The following SHOX variants were observed in gnomAD, a reference collection of about 807,000 sequenced individuals.
SHOX encodes the protein short stature homeobox protein.
A neutral mutation model predicts 29.6 loss-of-function variants in SHOX; 12 were observed. The observed-to-expected ratio is 0.41, with a 90% CI of 0.26 to 0.66. SHOX has a LOEUF of 0.66. Ranked by LOEUF, SHOX falls within the 30% of genes least tolerant of loss-of-function variation. The probability of loss-of-function intolerance (pLI) is 0.35; values close to 1 mark genes in which losing one functional copy is unlikely to be tolerated. For missense variants in SHOX, 499 were observed against 437.7 expected (o/e 1.14, Z -1.25); for synonymous variants, 214 against 200.6 (o/e 1.07, Z -0.57).
At chrX:639,784 T>A (rs996087027) in intron 2 of SHOX, among the ~76,000 whole-genome samples, 6 of 151,814 alleles carry the variant, frequency 4.0e-5, no homozygotes, top group African/African-American at 1.5e-4. Context: ...GGTGGATCGC[T>A]TGAGGTCAGG....
downstream of SHOX, among the ~76,000 whole-genome samples, chrX:653,445 G>C (rs773718452): frequency 6.6e-6 from 1 of 152,194 alleles, no homozygotes; most frequent in Non-Finnish European, 1.5e-5. Context: ...CTTAGAAATA[G>C]CTTGTTGCCA....
intron 2 of SHOX, among the ~76,000 whole-genome samples, chrX:636,945 AAAAT>A (rs1437249495): frequency 0.26 from 13,441 of 51,118 alleles, 1,712 homozygotes; most frequent in African/African-American, 0.47. Context: ...CTTTCATTTA[AAAAT>A]ATATATATAT....
At position 624,922 on chromosome X, in the gene SHOX, CTTTCTTTCTTTTCTTT is replaced by C. The variant is rs1569491723; in HGVS notation, c.-433+321_-433+336del. On this transcript the variant is annotated intron_variant, in intron 1 of 5. Coordinates refer to the SHOX transcript ENST00000334060. ...TCTTTCTCTCTTCCTTTCTTTCTTT[CTTTCTTTCTTTTCTTT>C]CTTTCACTTGGCAAGATTGCTTTTG... Among the ~76,000 whole-genome samples, 132 of 99,164 alleles carry C rather than the reference CTTTCTTTCTTTTCTTT, an allele frequency of 1.3e-3. 1 individual carries two copies. The highest frequency in any genetic ancestry group is 5.6e-3 in the African/African-American group (122 of 21,838). The allele number at this position is 99,164 out of a possible 152,430, so 65.1% of individuals were successfully genotyped here.
At chrX:651,926 AT>A (rs61105511), downstream of SHOX, among the ~76,000 whole-genome samples, 5,742 of 148,338 alleles carry the variant, frequency 0.039, 316 homozygotes, top group South Asian at 0.13. Flanking sequence ...TAATTAATTT[AT>A]TTTTTTTTTT....
At position 648,779 on chromosome X, in the gene SHOX, G is replaced by C. The variant is rs1301379395; in HGVS notation, c.*4143G>C. On this transcript the variant is annotated 3_prime_UTR_variant, in exon 5 of 5. Transcript: ENST00000686671. Reference sequence around the variant, plus strand: ...TGATCCCTGAATGAGTGTGGGGTACGTGTATGCTAGCTGCTTCTTTCTCCC... The same window carrying C: ...TGATCCCTGAATGAGTGTGGGGTACCTGTATGCTAGCTGCTTCTTTCTCCC... 1.3e-5 allele frequency among the ~76,000 whole-genome samples: 2 copies of C among 152,058 alleles called. No individual in the cohort carries two copies. The highest frequency in any genetic ancestry group is 4.8e-5 in the African/African-American group (2 of 41,402).
In SHOX at chrX:648,928, TTC is replaced by T. The variant is rs1297210332; in HGVS notation, c.*4298_*4299del. Among the ~76,000 whole-genome samples, 1 of 134,660 alleles carries T rather than the reference TTC, an allele frequency of 7.4e-6. No individual in the cohort carries two copies. Among genetic ancestry groups the T allele is most frequent in the East Asian group, 2.1e-4 (1 of 4,828 alleles). 88.3% of individuals were successfully genotyped at this position (134,660 alleles called of 152,430 possible). A position where few individuals can be genotyped will look rare whatever the true frequency, so the allele number is the denominator to read the frequency against. On this transcript the variant is annotated 3_prime_UTR_variant, in exon 5 of 5. Coordinates refer to ENST00000686671, the MANE Select transcript of SHOX (RefSeq NM_000451.4). ...CCTTCCTTTCTTTCTTTTTCTTTCT[TTC>T]TCTCTTTCTTTCTTTTCTTTCTTTC...
chrX:641,930 GCCTGGCC>G lies in SHOX; in HGVS notation c.633+857_633+863del, dbSNP rs768704908. Among the ~76,000 whole-genome samples the G allele has an allele frequency of 1.1e-4, 16 of 152,258 alleles. No homozygotes were observed. In the East Asian group the frequency reaches 1.2e-3, roughly 11 times the overall value. On this transcript the variant is annotated intron_variant, in intron 4 of 4. Transcript: ENST00000686671. ...GAGTGCCCGAGGGCCTGGGGCGTCT[GCCTGGCC>G]CCTGGCCCCTGGCTTGGGCTCTGCA...
chrX:624,611 G>A (rs1178450088), intron 1 of SHOX: 2 of 151,954 alleles, frequency 1.3e-5, no homozygotes, highest in Non-Finnish European at 2.9e-5. Flanking sequence ...TGGTGAGCTC[G>A]GTTTTGGAAC....
At chrX:641,255 C>A (rs1196204210) in intron 4 of SHOX, among the ~76,000 whole-genome samples, 168 bp downstream of exon 4, 7 of 152,192 alleles carry the variant, frequency 4.6e-5, no homozygotes, top group Non-Finnish European at 7.3e-5. Flanking sequence ...TTTACAGGCA[C>A]CTTGGCACCT....
chrX:627,400 G>T (rs952622384), upstream of SHOX, among the ~76,000 whole-genome samples: 1 of 152,060 alleles, frequency 6.6e-6, no homozygotes, highest in Non-Finnish European at 1.5e-5. Flanking sequence ...TAAAAGCTCT[G>T]GTCAGAGAAG....
intron 2 of SHOX, among the ~76,000 whole-genome samples, chrX:637,418 T>C (rs1315657847): frequency 6.6e-6 from 1 of 152,004 alleles, no homozygotes; most frequent in Non-Finnish European, 1.5e-5. Flanking sequence ...TTCCGTAGTC[T>C]ATTACCGACG....
At chrX:630,757 C>T, upstream of SHOX, 3 of 1,087,814 alleles carry the variant, frequency 2.8e-6, no homozygotes, top group South Asian at 1.4e-5. Context: ...GCGAGGTCGC[C>T]GCGTATAAAT....
downstream of SHOX, among the ~76,000 whole-genome samples, chrX:652,468 G>C (rs1384869736): frequency 6.6e-6 from 1 of 151,822 alleles, no homozygotes; most frequent in Non-Finnish European, 1.5e-5. Flanking sequence ...GGAAGTGGGG[G>C]AGGGACACAG....
At chrX:636,959 TA>T (rs1298324364) in intron 2 of SHOX, among the ~76,000 whole-genome samples, 1 of 142,996 alleles carries the variant, frequency 7.0e-6, no homozygotes, top group Non-Finnish European at 1.5e-5. Flanking sequence ...TATATATATA[TA>T]TATATATATA....
rs180711293 is a variant in SHOX at position 658,219 on chromosome X, C to T, written c.634-566C>T. ...TGAACTCCTGACCTCAGGTGATCCGCCTGCCTCGGCCTCCCAAAGTGCTGG... is the reference window on the plus strand; with the variant it reads ...TGAACTCCTGACCTCAGGTGATCCGTCTGCCTCGGCCTCCCAAAGTGCTGG... On this transcript the variant is annotated intron_variant, in intron 5 of 5. Transcript: ENST00000334060. 2.4e-3 allele frequency among the ~76,000 whole-genome samples: 361 copies of T among 152,178 alleles called. 2 individuals carry two copies. The highest frequency in any genetic ancestry group is 4.0e-3 in the Non-Finnish European group (270 of 68,002).
chrX:639,260 C>A (rs2052808305), intron 2 of SHOX, among the ~76,000 whole-genome samples: 1 of 152,218 alleles, frequency 6.6e-6, no homozygotes, highest in African/African-American at 2.4e-5. Context: ...AATGCCCCCA[C>A]CACAAAGCCT....
chrX:630,537 T>TGCGGG (rs2124152583), upstream of SHOX: 1 of 416,398 alleles, frequency 2.4e-6, no homozygotes, highest in East Asian at 4.8e-5. Context: ...CTCGGGCGCC[T>TGCGGG]GCGCCCCCCT....
chrX:639,377 A>G (rs1358250885), intron 2 of SHOX, among the ~76,000 whole-genome samples: 1 of 142,966 alleles, frequency 7.0e-6, no homozygotes, highest in Non-Finnish European at 1.5e-5. Flanking sequence ...AGGGCTTCCG[A>G]GGAGGCCGAG....
Position 634,723 on chromosome X carries a change from A to T in SHOX, c.383A>T (p.Gln128Leu). The part of the protein sequence containing the change: ...RRSRTNFTLE[Q>L]LNELERLFDE... ...AGCCGCACCAACTTCACGCTGGAGCAGCTGAACGAGCTCGAGCGACTCTTC... is the reference window on the plus strand; with the variant it reads ...AGCCGCACCAACTTCACGCTGGAGCTGCTGAACGAGCTCGAGCGACTCTTC... Residue 128 changes from glutamine to leucine, a missense_variant, in exon 2 of 5, where the codon CAG (glutamine) becomes CTG (leucine). Gln to Leu is a moderately radical substitution (Grantham distance 113). Transcript: ENST00000686671. 1 of 1,613,564 alleles carries T rather than the reference A, an allele frequency of 6.2e-7. No homozygotes were observed. The highest frequency in any genetic ancestry group is 8.5e-7 in the Non-Finnish European group (1 of 1,179,764).
Sources: allele counts gnomAD v4.1 joint callset (sites outside exome capture counted in the v4.1 genomes callset), GRCh38; gene constraint gnomAD v4.1.1; transcripts MANE v1.5; gene names NCBI Gene and HGNC (gene_info 2026-07-23, HGNC 2026-07-21).